CHLSN: variants seen among roughly 807,000 people sequenced by gnomAD.
CHLSN encodes the protein protein cholesin.
At chr7:1,046,722 G>A in the CHLSN span, among the ~76,000 whole-genome samples, 3 of 152,174 alleles carry the variant, frequency 2.0e-5, no homozygotes, top group Non-Finnish European at 4.4e-5. Flanking sequence ...TGGAGGTGGG[G>A]CAGGTGTCTG....
chr7:1,005,159 C>T, the CHLSN span, among the ~76,000 whole-genome samples: 6 of 152,138 alleles, frequency 3.9e-5, no homozygotes, highest in Admixed American at 2.6e-4. Context: ...GGCGTGGTGT[C>T]GGATGCCTGT....
chr7:1,117,384 T>G, the CHLSN span, among the ~76,000 whole-genome samples: 47 of 69,864 alleles, frequency 6.7e-4, no homozygotes, highest in South Asian at 9.8e-4. Context: ...CCGGCTTCCA[T>G]CACCAACGCC....
chr7:994,501 T>C, the CHLSN span, among the ~76,000 whole-genome samples: 1,708 of 152,232 alleles, frequency 0.011, 32 homozygotes, highest in African/African-American at 0.039. Flanking sequence ...GCTCTTGCTG[T>C]GGTGTAATCA....
chr7:1,016,790 CA>C, the CHLSN span, among the ~76,000 whole-genome samples: 2 of 83,388 alleles, frequency 2.4e-5, no homozygotes, highest in Non-Finnish European at 4.6e-5. Flanking sequence ...GCACAGCACA[CA>C]GCAGCACACA....
chr7:1,014,322 C>T, the CHLSN span, among the ~76,000 whole-genome samples: 50,655 of 152,108 alleles, frequency 0.33, 8,955 homozygotes, highest in African/African-American at 0.45. Context: ...TTCCTTTATG[C>T]CTTTAACTCC....
At chr7:1,058,467 G>T in the CHLSN span, 139 of 780,348 alleles carry the variant, frequency 1.8e-4, 3 homozygotes, top group South Asian at 1.7e-3. Context: ...GCCCTGCGGG[G>T]ACCGGCACTG....
At chr7:1,122,454 C>T in the CHLSN span, among the ~76,000 whole-genome samples, 10 of 152,184 alleles carry the variant, frequency 6.6e-5, no homozygotes, top group African/African-American at 2.4e-4. Flanking sequence ...ACGCGTATGC[C>T]GCCTTCCCCC....
chr7:997,939 C>T, the CHLSN span: 88 of 747,562 alleles, frequency 1.2e-4, 1 homozygote, highest in Non-Finnish European at 1.7e-4. Context: ...AGGGTGTGGG[C>T]GGCCTGGCCA....
chr7:1,097,195 A>C, the CHLSN span, among the ~76,000 whole-genome samples: 2 of 152,316 alleles, frequency 1.3e-5, no homozygotes, highest in Middle Eastern at 6.8e-3. The surrounding 1 kb of genome is among the most constrained non-coding windows in gnomAD (Gnocchi z 4.3). Flanking sequence ...TCTGCAGCCC[A>C]CCTGCACAGG....
chr7:988,614 G>A, the CHLSN span: 33 of 1,603,668 alleles, frequency 2.1e-5, no homozygotes, highest in Non-Finnish European at 2.6e-5. Flanking sequence ...AGCCCACTCT[G>A]TGCCTGGACA....
At chr7:1,088,148 C>T in the CHLSN span, 11 of 152,350 alleles carry the variant, frequency 7.2e-5, no homozygotes, top group African/African-American at 2.2e-4. This position sits in a 1 kb window ranked among gnomAD's most constrained non-coding sequence, Gnocchi z 4.5. Flanking sequence ...GCCAGCCAGC[C>T]GGGAACCTTC....
the CHLSN span, chr7:1,138,110 C>T: frequency 2.0e-5 from 3 of 150,746 alleles, no homozygotes; most frequent in Non-Finnish European, 4.4e-5. Flanking sequence ...GGCGGAGCCC[C>T]GCGGGAGCCC....
the CHLSN span, chr7:1,028,166 C>T: frequency 6.4e-3 from 5,637 of 882,966 alleles, 174 homozygotes; most frequent in East Asian, 0.18. Flanking sequence ...CCCACGGGAG[C>T]GCCCACCTGT....
the CHLSN span, among the ~76,000 whole-genome samples, chr7:1,010,619 G>A: frequency 6.6e-6 from 1 of 152,174 alleles, no homozygotes; most frequent in African/African-American, 2.4e-5. Flanking sequence ...TGGCTGCCTG[G>A]CTCCCCCTGG....
At chr7:1,090,474 G>T in the CHLSN span, among the ~76,000 whole-genome samples, 4 of 152,094 alleles carry the variant, frequency 2.6e-5, no homozygotes, top group Non-Finnish European at 5.9e-5. Flanking sequence ...GGGTGACACG[G>T]GGTGGGTGAT....
chr7:1,099,009 G>A, the CHLSN span, among the ~76,000 whole-genome samples: 34 of 152,386 alleles, frequency 2.2e-4, no homozygotes, highest in African/African-American at 7.9e-4. Flanking sequence ...CTGCCATTGA[G>A]ACCACAGTAC....
At chr7:1,053,427 T>C in the CHLSN span, among the ~76,000 whole-genome samples, 12 of 152,178 alleles carry the variant, frequency 7.9e-5, no homozygotes, top group African/African-American at 2.9e-4. Flanking sequence ...CGGGCACGCG[T>C]CACGAGTCTC....
chr7:1,035,023 T>C, the CHLSN span, among the ~76,000 whole-genome samples: 5 of 152,404 alleles, frequency 3.3e-5, no homozygotes, highest in Non-Finnish European at 7.3e-5. Context: ...ATGTACCACA[T>C]TTTCTTCATC....
At chr7:1,054,291 G>A in the CHLSN span, among the ~76,000 whole-genome samples, 1 of 152,218 alleles carries the variant, frequency 6.6e-6, no homozygotes, top group Admixed American at 6.5e-5. Context: ...ACCTTCACTG[G>A]AAACAGAAAC....
Sources: allele counts gnomAD v4.1 joint callset (sites outside exome capture counted in the v4.1 genomes callset), GRCh38; gene constraint gnomAD v4.1.1; non-coding constraint Gnocchi (gnomAD v3.1); transcripts MANE v1.5; gene names NCBI Gene and HGNC (gene_info 2026-07-23, HGNC 2026-07-21).